Variants in CCNG2 observed in about 807,000 individuals in gnomAD.
The protein encoded by CCNG2 is cyclin G2.
In CCNG2, 20 loss-of-function variants were observed where a neutral mutation model predicts 36.5. That is an observed-to-expected ratio of 0.55 (90% CI 0.39 to 0.80). The LOEUF (loss-of-function observed/expected upper bound fraction) is 0.80. Among genes scored for constraint, CCNG2 ranks in the 30% least tolerant of loss-of-function variants. The probability of loss-of-function intolerance (pLI) is 0.00; values close to 1 mark genes in which losing one functional copy is unlikely to be tolerated. For synonymous variants in CCNG2, 155 were observed against 140.1 expected (o/e 1.11, Z -0.75); for missense variants, 358 against 390.8 (o/e 0.92, Z 0.71).
chr4:77,168,222 T>G lies in CCNG2; in HGVS notation c.*2298T>G, dbSNP rs964049675. ...ATATGCTCATCTCCTTTTGCCTGTT[T>G]ATGGAGGTCACCAGCCTCTATCATT... On this transcript the variant is annotated 3_prime_UTR_variant, in exon 8 of 8. Coordinates refer to ENST00000316355, the MANE Select transcript of CCNG2 (RefSeq NM_004354.3). The G allele has an allele frequency of 6.6e-6, 1 of 152,258 alleles. No individual in the cohort carries two copies. Among genetic ancestry groups the G allele is most frequent in the Non-Finnish European group, 1.5e-5 (1 of 68,060 alleles). The allele number at this position is 152,258 out of a possible 1,614,324, so 9.4% of individuals were successfully genotyped here. A position where few individuals can be genotyped will look rare whatever the true frequency, so the allele number is the denominator to read the frequency against.
In CCNG2 at chr4:77,161,582, ATATATCTCACAGTTTG is replaced by A. The variant is rs2109918575; in HGVS notation, c.606+28_606+43del. The A allele has an allele frequency of 1.9e-6, 3 of 1,580,616 alleles. No individual in the cohort carries two copies. In the East Asian group the frequency reaches 6.7e-5, roughly 35 times the overall value. On this transcript the variant is annotated intron_variant, in intron 5 of 7. Coordinates refer to ENST00000316355, the MANE Select transcript of CCNG2 (RefSeq NM_004354.3). ...AAGTAAGTCGATTCCTTGCTTATGT[ATATATCTCACAGTTTG>A]TATTTTGAATTTTTAAAAAATATTT...
chr4:77,157,824 G>A (rs1296641631), intron 1 of CCNG2, among the ~76,000 whole-genome samples: 1 of 152,120 alleles, frequency 6.6e-6, no homozygotes, highest in Non-Finnish European at 1.5e-5. Context: ...GCTCTGCAGA[G>A]TTGTGGGGCC....
rs553637461 is a variant in CCNG2, at chr4:77,160,856, A to G, written c.412A>G (p.Ile138Val). ...ISQCKCTASD[I>V]KRMEKIISEK... ...TCAGTGTAAATGTACTGCTTCTGACATAAAACGGATGGAAAAAATAATTTC... is the reference window on the plus strand; with the variant it reads ...TCAGTGTAAATGTACTGCTTCTGACGTAAAACGGATGGAAAAAATAATTTC... Residue 138 changes from isoleucine to valine, a missense_variant, in exon 4 of 8, where the codon ATA becomes GTA. Ile to Val is a conservative substitution (Grantham distance 29). Coordinates refer to ENST00000316355, the MANE Select transcript of CCNG2 (RefSeq NM_004354.3). 1.2e-6 allele frequency: 2 copies of G among 1,614,078 alleles called. No individual in the cohort carries two copies. Among genetic ancestry groups the G allele is most frequent in the Admixed American group, 1.7e-5 (1 of 60,024 alleles).
At chr4:77,164,550 G>T in intron 7 of CCNG2, 71 bp downstream of exon 7, 1 of 1,153,126 alleles carries the variant, frequency 8.7e-7, no homozygotes, top group Non-Finnish European at 1.3e-6. Context: ...CTCAGAACTG[G>T]AATAGTGTAA....
rs764910170 is a variant in CCNG2, at chr4:77,165,907, C to T, written c.1018C>T (p.Leu340=). The change falls in exon 8 of 8, where the codon CTG becomes TTG. Residue 340 remains leucine (L), a synonymous_variant. Coordinates refer to ENST00000316355, the MANE Select transcript of CCNG2 (RefSeq NM_004354.3). ...TTTCAACTTCAAAGTGGCACAAACA[C>T]TGTGCTTTCCATCTTAGAAATCTGA... is the stretch of plus-strand genomic sequence containing the variant. ...FFFNFKVAQT[L]CFPS The T allele has an allele frequency of 6.1e-5, 98 of 1,603,044 alleles. No individual in the cohort carries two copies. In the Admixed American group the frequency reaches 1.7e-3, roughly 27 times the overall value.
chr4:77,164,580 A>G, intron 7 of CCNG2, 101 bp downstream of exon 7: 1 of 798,562 alleles, frequency 1.3e-6, no homozygotes, highest in Non-Finnish European at 2.0e-6. Context: ...GAAAGCAAGC[A>G]CCTACACTAA....
rs1329141273 is a variant in CCNG2 at position 77,169,286 on chromosome 4, T to G, written c.*3362T>G. 1 of 152,232 alleles carries G rather than the reference T, an allele frequency of 6.6e-6. No homozygotes were observed. Among genetic ancestry groups the G allele is most frequent in the Non-Finnish European group, 1.5e-5 (1 of 68,032 alleles). The allele number at this position is 152,232 out of a possible 1,614,324, so 9.4% of individuals were successfully genotyped here. ...ATCACACATGCAAATTGTCAGCTTATTGAGACAACCCACTTAGATTCATAT... is the reference window on the plus strand; with the variant it reads ...ATCACACATGCAAATTGTCAGCTTAGTGAGACAACCCACTTAGATTCATAT... On this transcript the variant is annotated 3_prime_UTR_variant, in exon 8 of 8. Transcript: ENST00000316355.
At chr4:77,157,855 G>A (rs562653706) in intron 1 of CCNG2, among the ~76,000 whole-genome samples, 18 of 152,190 alleles carry the variant, frequency 1.2e-4, no homozygotes, top group South Asian at 2.1e-4. Context: ...TGGGTGGACG[G>A]GTGTTGTCCC....
chr4:77,159,212 A>G (rs931878004), intron 2 of CCNG2, among the ~76,000 whole-genome samples, 155 bp from the exon 3 acceptor site: 126 of 152,352 alleles, frequency 8.3e-4, no homozygotes, highest in African/African-American at 2.9e-3. Context: ...GCTTTAGTTA[A>G]GCGATACCAC....
At chr4:77,161,096 AAT>A (rs1491237192) in intron 4 of CCNG2, 125 bp downstream of exon 4, 26 of 533,148 alleles carry the variant, frequency 4.9e-5, no homozygotes, top group South Asian at 1.4e-4. Context: ...TTTATTGGTA[AAT>A]CTTTTTTTTT....
chr4:77,164,016 T>TA (rs1009441378), intron 6 of CCNG2, among the ~76,000 whole-genome samples: 2 of 152,336 alleles, frequency 1.3e-5, no homozygotes, highest in East Asian at 1.9e-4. Context: ...GTTTTATACT[T>TA]ACGGTGCTCT....
rs546078617 is a variant in CCNG2 at position 77,159,345 on chromosome 4, T to G, written c.139-22T>G. On this transcript the variant is annotated intron_variant, in intron 2 of 7. Transcript: ENST00000316355. The stretch of plus-strand genomic sequence containing the variant: ...CTGGTTCTAAGAAAATTGTAAACCT[T>G]GGTTCTTGGTTTTTATTGCAGAATG... The G allele has an allele frequency of 3.8e-6, 6 of 1,593,614 alleles. No homozygotes were observed. The South Asian group carries it at 6.8e-5, about 18-fold the overall frequency.
chr4:77,166,090 C>T lies in CCNG2; in HGVS notation c.*166C>T, dbSNP rs930090867. Reference sequence around the variant, plus strand: ...GATCTGGCCTATTTTCATATTTATCCTAAGCCATCAAATGGGGTAGTGCCT... The same window carrying T: ...GATCTGGCCTATTTTCATATTTATCTTAAGCCATCAAATGGGGTAGTGCCT... On this transcript the variant is annotated 3_prime_UTR_variant, in exon 8 of 8. Coordinates refer to ENST00000316355, the MANE Select transcript of CCNG2 (RefSeq NM_004354.3). 5 of 556,414 alleles carry T rather than the reference C, an allele frequency of 9.0e-6. No individual in the cohort carries two copies. The South Asian group carries it at 1.4e-4, about 16-fold the overall frequency. 34.5% of individuals were successfully genotyped at this position (556,414 alleles called of 1,614,324 possible).
At chr4:77,162,360 T>G (rs778530724) in intron 6 of CCNG2, among the ~76,000 whole-genome samples, 20 of 150,446 alleles carry the variant, frequency 1.3e-4, no homozygotes, top group Non-Finnish European at 2.2e-4. Context: ...ATAGTGAATA[T>G]AGAGAGTACT....
rs1040031975 is a variant in CCNG2, at chr4:77,157,310, G to C, written c.-197G>C. 3 of 152,532 alleles carry C rather than the reference G, an allele frequency of 2.0e-5. No individual in the cohort carries two copies. Among genetic ancestry groups the C allele is most frequent in the African/African-American group, 7.2e-5 (3 of 41,448 alleles). 9.4% of individuals were successfully genotyped at this position (152,532 alleles called of 1,614,324 possible). On this transcript the variant is annotated 5_prime_UTR_variant, in exon 1 of 8. Transcript: ENST00000316355. The stretch of plus-strand genomic sequence containing the variant: ...CCGGCGTTGCGCCGCGGCGGAGGGT[G>C]GGCGCGCGGGGAGCGGGATGGAGCC...
At position 77,161,769 on chromosome 4, in the gene CCNG2, T is replaced by C. The variant is rs200698376; in HGVS notation, c.705+22T>C. ...CAAGGTAATTACAGTCATTATTCTT[T>C]AAGGCAAATTTTTTTCCTGATGTTT... On this transcript the variant is annotated intron_variant, in intron 6 of 7. Coordinates refer to ENST00000316355, the MANE Select transcript of CCNG2 (RefSeq NM_004354.3). 12 of 1,487,204 alleles carry C rather than the reference T, an allele frequency of 8.1e-6. No individual in the cohort carries two copies. The East Asian group carries it at 1.6e-4, about 20-fold the overall frequency. The allele number at this position is 1,487,204 out of a possible 1,614,324, so 92.1% of individuals were successfully genotyped here. A position where few individuals can be genotyped will look rare whatever the true frequency, so the allele number is the denominator to read the frequency against.
Position 77,159,438 on chromosome 4 carries a change from T to A in CCNG2, c.210T>A (p.Phe70Leu). 1 of 1,614,072 alleles carries A rather than the reference T, an allele frequency of 6.2e-7. No individual in the cohort carries two copies. ...VEDLRSLANF[F>L]GSCTETFVLA... ...ATTTAAGGAGTTTAGCCAACTTTTT[T>A]GGATCTTGCACTGAAACTTTTGTCC... Residue 70 changes from phenylalanine (F) to leucine (L), a missense_variant, in exon 3 of 8, where the codon TTT becomes TTA. Coordinates refer to ENST00000316355, the MANE Select transcript of CCNG2 (RefSeq NM_004354.3).
At chr4:77,160,262 T>C (rs1731391953) in intron 3 of CCNG2, among the ~76,000 whole-genome samples, 1 of 151,690 alleles carries the variant, frequency 6.6e-6, no homozygotes, top group Non-Finnish European at 1.5e-5. Flanking sequence ...AAGTCTGAAA[T>C]ACAAATTATA....
intron 1 of CCNG2, chr4:77,158,199 G>A: frequency 3.1e-6 from 1 of 318,396 alleles, no homozygotes. Context: ...TGGGCAGAAG[G>A]CCCTCCCTGG....
Sources: gnomAD v4.1 joint callset for allele counts (sites outside exome capture counted in the v4.1 genomes callset) on GRCh38, gnomAD v4.1.1 for gene constraint, MANE v1.5 for transcripts, NCBI Gene and HGNC (gene_info 2026-07-23, HGNC 2026-07-21) for gene names.